NOL10: variants seen among roughly 807,000 people sequenced by gnomAD.
NOL10 encodes nucleolar protein 10.
A neutral mutation model predicts 103.5 loss-of-function variants in NOL10; 58 were observed. The observed-to-expected ratio is 0.56, with a 90% CI of 0.45 to 0.70. NOL10 has a LOEUF of 0.70. NOL10 is among the 30% of genes least tolerant of loss of function. NOL10 has a pLI of 0.00. For synonymous variants in NOL10, 287 were observed against 282.5 expected, an observed-to-expected ratio of 1.02 and a Z score of -0.16; for missense variants, 763 against 807.3, an observed-to-expected ratio of 0.95 and a Z score of 0.67.
Position 10,667,269 on chromosome 2 carries a change from A to C in NOL10, c.540T>G (p.Asn180Lys). The C allele has an allele frequency of 6.3e-7, 1 of 1,585,588 alleles. No homozygotes were observed. Among genetic ancestry groups the C allele is most frequent in the South Asian group, 1.2e-5 (1 of 86,662 alleles). Reference sequence around the variant, plus strand: ...CATGCACTGAATTTATGTCACAAACATTATTCTCCCTAACACAGGAAAGCA... The same window carrying C: ...CATGCACTGAATTTATGTCACAAACCTTATTCTCCCTAACACAGGAAAGCA... Reference protein sequence around the residue: ...NPLQTDAAENNVCDINSVHGL... With the variant: ...NPLQTDAAENKVCDINSVHGL... The change falls in exon 8 of 21, where the codon AAT (asparagine) becomes AAG (lysine). Residue 180 changes from asparagine (N) to lysine (K), a missense_variant. Coordinates refer to ENST00000381685, the MANE Select transcript of NOL10 (RefSeq NM_024894.4).
intron 12 of NOL10, among the ~76,000 whole-genome samples, chr2:10,646,214 G>A (rs1679064255): frequency 6.6e-6 from 1 of 152,084 alleles, no homozygotes; most frequent in African/African-American, 2.4e-5. Flanking sequence ...AGGAGCCTTT[G>A]GACATAATTA....
intron 12 of NOL10, among the ~76,000 whole-genome samples, chr2:10,647,841 C>T (rs4669602): frequency 0.48 from 73,567 of 152,140 alleles, 18,691 homozygotes; most frequent in African/African-American, 0.62. Context: ...TCTTCAACAG[C>T]CCTGTAAGGC....
At chr2:10,669,996 T>G (rs1204066600) in intron 6 of NOL10, among the ~76,000 whole-genome samples, 1 of 152,072 alleles carries the variant, frequency 6.6e-6, no homozygotes, top group African/African-American at 2.4e-5. Flanking sequence ...GAGGATCTTT[T>G]GAGCCCAGGA....
intron 10 of NOL10, among the ~76,000 whole-genome samples, chr2:10,658,937 G>C (rs1680010871): frequency 6.6e-6 from 1 of 152,100 alleles, no homozygotes; most frequent in African/African-American, 2.4e-5. Flanking sequence ...AAATTAGCCA[G>C]GTGTGGTGGT....
chr2:10,598,563 A>C (rs1373263325), intron 17 of NOL10, among the ~76,000 whole-genome samples: 1 of 152,212 alleles, frequency 6.6e-6, no homozygotes, highest in Non-Finnish European at 1.5e-5. Context: ...AACAGCTGTG[A>C]CAAGAAGAAG....
chr2:10,612,765 A>G (rs1572288832), intron 13 of NOL10, among the ~76,000 whole-genome samples: 6 of 152,268 alleles, frequency 3.9e-5, no homozygotes, highest in Admixed American at 3.9e-4. Flanking sequence ...TGGCCTCCCA[A>G]AGTGCTGGAA....
At chr2:10,687,746 C>T (rs1205112807) in intron 1 of NOL10, among the ~76,000 whole-genome samples, 1 of 152,116 alleles carries the variant, frequency 6.6e-6, no homozygotes, top group Non-Finnish European at 1.5e-5. Flanking sequence ...ATCACAAGAT[C>T]AGATCGAGAC....
At chr2:10,679,727 G>A (rs60384217) in intron 3 of NOL10, among the ~76,000 whole-genome samples, 3,218 of 152,166 alleles carry the variant, frequency 0.021, 132 homozygotes, top group African/African-American at 0.073. Flanking sequence ...ATGGGTTCAA[G>A]CGATTCTCAT....
intron 1 of NOL10, among the ~76,000 whole-genome samples, chr2:10,689,096 A>T (rs57597544): frequency 0.019 from 2,928 of 152,298 alleles, 112 homozygotes; most frequent in African/African-American, 0.067. Context: ...CAGAGGCTGG[A>T]TCATCACGTA....
intron 17 of NOL10, among the ~76,000 whole-genome samples, chr2:10,599,232 C>T (rs1675850608): frequency 6.6e-6 from 1 of 152,240 alleles, no homozygotes; most frequent in Admixed American, 6.5e-5. Flanking sequence ...TGGCATAAAA[C>T]ACAGATAGGA....
At chr2:10,611,966 A>C (rs1385892678) in intron 13 of NOL10, among the ~76,000 whole-genome samples, 1 of 152,020 alleles carries the variant, frequency 6.6e-6, no homozygotes, top group Non-Finnish European at 1.5e-5. Flanking sequence ...ACAGACTGTT[A>C]AAATTAGCTG....
At chr2:10,586,930 G>A (rs561942476) in intron 19 of NOL10, among the ~76,000 whole-genome samples, 1 of 149,040 alleles carries the variant, frequency 6.7e-6, no homozygotes, top group East Asian at 2.0e-4. Flanking sequence ...GGATATTCTA[G>A]GTTCTCAGTC....
intron 14 of NOL10, among the ~76,000 whole-genome samples, chr2:10,605,300 A>G (rs1359173975): frequency 6.6e-6 from 1 of 152,234 alleles, no homozygotes; most frequent in Non-Finnish European, 1.5e-5. Flanking sequence ...GCTGTTGGCC[A>G]TATCCAGAAG....
chr2:10,590,897 G>C (rs938572460), intron 17 of NOL10: 1 of 152,204 alleles, frequency 6.6e-6, no homozygotes, highest in Non-Finnish European at 1.5e-5. Flanking sequence ...TTGTCAATCA[G>C]AGTAAACAGC....
chr2:10,645,203 G>A (rs1375303669), intron 12 of NOL10, among the ~76,000 whole-genome samples: 2 of 152,160 alleles, frequency 1.3e-5, no homozygotes, highest in Non-Finnish European at 1.5e-5. Context: ...GTGAGAGAAT[G>A]TTAAAGCTAA....
At chr2:10,618,988 A>T (rs1676981413) in intron 13 of NOL10, among the ~76,000 whole-genome samples, 1 of 152,230 alleles carries the variant, frequency 6.6e-6, no homozygotes, top group Non-Finnish European at 1.5e-5. Context: ...ATTTGCTGAA[A>T]ACTAAATTCA....
intron 10 of NOL10, among the ~76,000 whole-genome samples, chr2:10,658,856 A>G (rs1400727306): frequency 6.6e-6 from 1 of 152,140 alleles, no homozygotes; most frequent in Non-Finnish European, 1.5e-5. Context: ...GGGTGGGGGG[A>G]TCGCCTGAGC....
intron 12 of NOL10, among the ~76,000 whole-genome samples, chr2:10,650,068 G>C (rs535115062): frequency 6.6e-6 from 1 of 152,270 alleles, no homozygotes; most frequent in Admixed American, 6.5e-5. Flanking sequence ...AATGTTTTCT[G>C]ACCAAATTGT....
chr2:10,587,450 T>C (rs1032378470), intron 19 of NOL10, among the ~76,000 whole-genome samples: 2 of 150,470 alleles, frequency 1.3e-5, no homozygotes, highest in African/African-American at 2.5e-5. Context: ...TTTATATTTT[T>C]AGTAGAGACG....
Sources: gnomAD v4.1 joint callset for allele counts (sites outside exome capture counted in the v4.1 genomes callset) on GRCh38, gnomAD v4.1.1 for gene constraint, MANE v1.5 for transcripts, NCBI Gene and HGNC (gene_info 2026-07-23, HGNC 2026-07-21) for gene names.